Variants in ACACA observed in about 807,000 individuals in gnomAD.
ACACA encodes the protein acetyl-CoA carboxylase 1.
Under a neutral mutation model 296.1 loss-of-function variants are expected in ACACA, and 103 were observed. That is an observed-to-expected ratio of 0.35 (90% confidence interval 0.30 to 0.41). ACACA has a LOEUF of 0.41. Ranked by LOEUF, ACACA falls within the 10% of genes least tolerant of loss-of-function variation. ACACA has a pLI of 1.00. For missense variants in ACACA, 1,554 were observed against 2,989.7 expected (o/e 0.52, Z 11.20); for synonymous variants, 953 against 1,038.6 (o/e 0.92, Z 1.58).
In ACACA at chr17:37,234,011, G is replaced by A. The variant is rs370771273; in HGVS notation, c.3246+964C>T. Among the ~76,000 whole-genome samples, 41 of 152,306 alleles carry A rather than the reference G, an allele frequency of 2.7e-4. No individual in the cohort carries two copies. In the South Asian group the frequency reaches 8.3e-3, roughly 31 times the overall value. ...GAATGAGTGGCACTCTTGTTAATCA[G>A]AGGTGTATGGTAGATAGTTTCCCTT... On this transcript the variant is annotated intron_variant, in intron 25 of 55. Coordinates refer to ENST00000616317, the MANE Select transcript of ACACA (RefSeq NM_198834.3).
intron 14 of ACACA, among the ~76,000 whole-genome samples, chr17:37,256,587 C>A (rs1003854897): frequency 6.6e-6 from 1 of 152,132 alleles, no homozygotes; most frequent in Non-Finnish European, 1.5e-5. Context: ...TTAAAATTTG[C>A]TGGACATGAT....
chr17:37,372,151 C>T (rs1210950922), intron 1 of ACACA, among the ~76,000 whole-genome samples: 2 of 152,156 alleles, frequency 1.3e-5, no homozygotes, highest in Admixed American at 6.6e-5. Context: ...CAGTAGTTCA[C>T]GCCTGTAATC....
chr17:37,360,182 A>G (rs2049350264), intron 1 of ACACA: 2 of 152,146 alleles, frequency 1.3e-5, no homozygotes. Context: ...ACTTGGAGAA[A>G]ATTGCACTTG....
At chr17:37,124,118 A>G (rs2074660652) in intron 48 of ACACA, among the ~76,000 whole-genome samples, 1 of 152,250 alleles carries the variant, frequency 6.6e-6, no homozygotes, top group African/African-American at 2.4e-5. Context: ...TTACAGTAAC[A>G]ATCCCAGACG....
chr17:37,255,635 C>G (rs980491872), intron 14 of ACACA, among the ~76,000 whole-genome samples: 7 of 152,180 alleles, frequency 4.6e-5, no homozygotes, highest in Admixed American at 2.6e-4. Context: ...AGAGGCCAGT[C>G]TGGGAACATA....
At chr17:37,105,018 T>G (rs1419533128) in intron 52 of ACACA, among the ~76,000 whole-genome samples, 1 of 147,612 alleles carries the variant, frequency 6.8e-6, no homozygotes, top group African/African-American at 2.5e-5. Flanking sequence ...CAGGAGGCAA[T>G]TTTTTGCCCA....
At chr17:37,339,895 C>T (rs1451429389) in intron 1 of ACACA, 45 bp from the exon 2 acceptor site, 5 of 1,016,952 alleles carry the variant, frequency 4.9e-6, no homozygotes, top group African/African-American at 3.1e-5. Flanking sequence ...TTTTAAGAAA[C>T]AAACTTTTGT....
chr17:37,172,060 A>G (rs1271543522), intron 41 of ACACA, among the ~76,000 whole-genome samples: 1 of 152,142 alleles, frequency 6.6e-6, no homozygotes, highest in Admixed American at 6.5e-5. Context: ...CCTGATGTTC[A>G]TTATTGCCTC....
intron 41 of ACACA, among the ~76,000 whole-genome samples, chr17:37,178,596 C>A (rs1026505486): frequency 1.3e-5 from 2 of 152,068 alleles, no homozygotes; most frequent in African/African-American, 4.8e-5. Context: ...ATTGCTTGAG[C>A]TCAGGAGCTT....
At chr17:37,325,643 G>A (rs1427804380) in intron 3 of ACACA, among the ~76,000 whole-genome samples, 3 of 119,980 alleles carry the variant, frequency 2.5e-5, no homozygotes, top group African/African-American at 3.4e-5. Flanking sequence ...GCATGATCTC[G>A]GCTCACCGCA....
intron 41 of ACACA, among the ~76,000 whole-genome samples, chr17:37,173,986 A>T (rs1283119413): frequency 8.4e-3 from 70 of 8,340 alleles, no homozygotes; most frequent in African/African-American, 0.011. Flanking sequence ...GCTAATTTAT[A>T]TATATATATA....
chr17:37,360,036 C>A (rs953284666), intron 1 of ACACA, among the ~76,000 whole-genome samples: 1 of 152,098 alleles, frequency 6.6e-6, no homozygotes, highest in Non-Finnish European at 1.5e-5. Context: ...GCACGCCGAG[C>A]CTTTGAGAGG....
chr17:37,139,268 C>G (rs1013700522), intron 45 of ACACA, among the ~76,000 whole-genome samples: 1 of 152,154 alleles, frequency 6.6e-6, no homozygotes, highest in Admixed American at 6.5e-5. Context: ...AGTTCAGAGA[C>G]AATGTTTTAT....
At position 37,241,882 on chromosome 17, in the gene ACACA, T is replaced by G. The variant is rs1010917392; in HGVS notation, c.3032+71A>C. 1.4e-5 allele frequency: 18 copies of G among 1,292,970 alleles called. No individual in the cohort carries two copies. In the African/African-American group the frequency reaches 2.3e-4, roughly 17 times the overall value. The allele number at this position is 1,292,970 out of a possible 1,614,324, so 80.1% of individuals were successfully genotyped here. A position where few individuals can be genotyped will look rare whatever the true frequency, so the allele number is the denominator to read the frequency against. ...GAAGTCAAATCTGAGGTAAATTTTTTTGTGACCACTTGAAAGAAAGGAAGA... is the reference window on the plus strand; with the variant it reads ...GAAGTCAAATCTGAGGTAAATTTTTGTGTGACCACTTGAAAGAAAGGAAGA... On this transcript the variant is annotated intron_variant, in intron 23 of 55. Transcript: ENST00000616317.
At chr17:37,326,400 G>A (rs529602603) in intron 3 of ACACA, among the ~76,000 whole-genome samples, 46 of 149,866 alleles carry the variant, frequency 3.1e-4, no homozygotes, top group Non-Finnish European at 4.3e-4. Context: ...GCGTGGTGGC[G>A]TATGCCTGTA....
chr17:37,207,794 G>A lies in ACACA; in HGVS notation c.3714C>T (p.Ser1238=). ...RGNIPTLNRM[S]FSSNLNHYGM... The stretch of plus-strand genomic sequence containing the variant: ...CATAGTGGTTGAGGTTGGAGGAGAA[G>A]GACATTCTAAATGGTAATTCAATCA... The change falls in exon 31 of 56, where the codon TCC becomes TCT. Residue 1238 remains serine (S), a synonymous_variant. Coordinates refer to ENST00000616317, the MANE Select transcript of ACACA (RefSeq NM_198834.3). The A allele has an allele frequency of 6.2e-7, 1 of 1,613,884 alleles. No individual in the cohort carries two copies.
chr17:37,125,103 G>A (rs2074714840), intron 48 of ACACA, among the ~76,000 whole-genome samples: 1 of 152,150 alleles, frequency 6.6e-6, no homozygotes, highest in Non-Finnish European at 1.5e-5. Context: ...GCTTGCTGTT[G>A]AGTGAAGCAC....
In ACACA at chr17:37,097,200, C is replaced by T; in HGVS notation, c.6721-34G>A. ...AGAGAAGAATAAACTTAGCCCAGTC[C>T]TAATTCCTGCTTAATGCTCAGTCTG... On this transcript the variant is annotated intron_variant, in intron 53 of 55. Transcript: ENST00000616317. This position sits in a 1 kb window ranked among gnomAD's most constrained non-coding sequence, Gnocchi z 4.8. The T allele has an allele frequency of 7.5e-6, 12 of 1,606,416 alleles. No homozygotes were observed. The highest frequency in any genetic ancestry group is 2.2e-5 in the East Asian group (1 of 44,824).
At chr17:37,242,227 C>T (rs2080450251) in intron 22 of ACACA, among the ~76,000 whole-genome samples, 174 bp from the exon 23 acceptor site, 1 of 152,126 alleles carries the variant, frequency 6.6e-6, no homozygotes, top group Non-Finnish European at 1.5e-5. Context: ...AATCACGCTA[C>T]ATAAGCAAGC....
Sources: gnomAD v4.1 joint callset for allele counts (sites outside exome capture counted in the v4.1 genomes callset) on GRCh38, gnomAD v4.1.1 for gene constraint, Gnocchi (gnomAD v3.1) non-coding constraint, MANE v1.5 for transcripts, NCBI Gene and HGNC (gene_info 2026-07-23, HGNC 2026-07-21) for gene names.